Variants in GRM7 observed in about 807,000 individuals in gnomAD.
GRM7 encodes the protein metabotropic glutamate receptor 7.
A neutral mutation model predicts 84.5 loss-of-function variants in GRM7; 35 were observed. That is an observed-to-expected ratio of 0.41 (90% CI 0.32 to 0.55). The LOEUF (loss-of-function observed/expected upper bound fraction) is 0.55, where lower values mean the gene tolerates loss of function less well. Among genes scored for constraint, GRM7 ranks in the 20% least tolerant of loss-of-function variants. The probability of loss-of-function intolerance (pLI) is 0.19; values close to 1 mark genes in which losing one functional copy is unlikely to be tolerated. For missense variants in GRM7, 1,003 were observed against 1,194.6 expected, an observed-to-expected ratio of 0.84 and a Z score of 2.36; for synonymous variants, 487 against 455.1, an observed-to-expected ratio of 1.07 and a Z score of -0.89.
chr3:7,570,146 T>A (rs1694573177), intron 7 of GRM7, among the ~76,000 whole-genome samples: 1 of 152,134 alleles, frequency 6.6e-6, no homozygotes, highest in Admixed American at 6.5e-5. Context: ...GGGTTTACAA[T>A]TCAAAATGAG....
intron 2 of GRM7, among the ~76,000 whole-genome samples, chr3:7,224,880 A>G (rs1454329483): frequency 6.6e-6 from 1 of 152,200 alleles, no homozygotes; most frequent in Non-Finnish European, 1.5e-5. Context: ...TACCATATGA[A>G]GCATTTCATG....
At chr3:7,162,984 T>C (rs181304755) in intron 2 of GRM7, among the ~76,000 whole-genome samples, 1 of 152,088 alleles carries the variant, frequency 6.6e-6, no homozygotes, top group East Asian at 1.9e-4. Context: ...GGTCTTGAAC[T>C]CCTGACCTCT....
At chr3:7,643,608 C>T (rs77782592) in intron 8 of GRM7, among the ~76,000 whole-genome samples, 233 of 152,290 alleles carry the variant, frequency 1.5e-3, no homozygotes, top group African/African-American at 5.5e-3. Flanking sequence ...TATCTTAAAT[C>T]CTTGCTTTTT....
chr3:7,578,915 A>C lies in GRM7; in HGVS notation c.2009A>C (p.Tyr670Ser). Residue 670 changes from tyrosine to serine, a missense_variant, in exon 8 of 10, where the codon TAT becomes TCT. Coordinates refer to ENST00000357716, the MANE Select transcript of GRM7 (RefSeq NM_000844.4). The stretch of plus-strand genomic sequence containing the variant: ...TTGGGCTTGGGTATGTGCATCAGTT[A>C]TGCAGCCCTCTTGACGAAAACAAAT... ...VFLGLGMCIS[Y>S]AALLTKTNRI... 6.2e-7 allele frequency: 1 copy of C among 1,614,174 alleles called. No homozygotes were observed. Among genetic ancestry groups the C allele is most frequent in the Non-Finnish European group, 8.5e-7 (1 of 1,180,038 alleles).
At chr3:7,509,284 C>G (rs1700126238) in intron 7 of GRM7, among the ~76,000 whole-genome samples, 1 of 152,040 alleles carries the variant, frequency 6.6e-6, no homozygotes, top group African/African-American at 2.4e-5. Context: ...CATAATTGTT[C>G]TATTTTATGA....
intron 7 of GRM7, among the ~76,000 whole-genome samples, chr3:7,560,723 G>A (rs898988988): frequency 6.6e-6 from 1 of 152,086 alleles, no homozygotes; most frequent in Non-Finnish European, 1.5e-5. Flanking sequence ...CCATGCTCAT[G>A]TTTTCACCTT....
intron 1 of GRM7, among the ~76,000 whole-genome samples, chr3:6,874,036 C>G (rs6783840): frequency 0.16 from 23,952 of 152,166 alleles, 2,102 homozygotes; most frequent in African/African-American, 0.25. Context: ...TAACTCCTTT[C>G]CAGCACATAC....
chr3:7,503,251 A>T lies in GRM7; in HGVS notation c.1515+41529A>T, dbSNP rs142192710. On this transcript the variant is annotated intron_variant, in intron 7 of 9. Transcript: ENST00000357716. ...AAATTCCTGATAAAAGAGAGACCAG[A>T]TAATGTTTCTCCTCTTTGTTTTCCT... Among the ~76,000 whole-genome samples, 323 of 152,272 alleles carry T rather than the reference A, an allele frequency of 2.1e-3. 2 individuals are homozygous for T. Among genetic ancestry groups the T allele is most frequent in the Non-Finnish European group, 3.4e-3 (232 of 68,012 alleles).
intron 4 of GRM7, among the ~76,000 whole-genome samples, chr3:7,398,992 C>T (rs1242658362): frequency 1.3e-5 from 2 of 151,982 alleles, no homozygotes; most frequent in African/African-American, 4.8e-5. Flanking sequence ...TCCCTTCACA[C>T]ACCATTCTTT....
At chr3:7,451,940 G>A (rs766320909) in intron 5 of GRM7, 31 of 152,446 alleles carry the variant, frequency 2.0e-4, no homozygotes, top group Admixed American at 4.6e-4. Context: ...AAAGGTGAAC[G>A]TGGAGGAATG....
chr3:7,349,506 T>C (rs1039079874), intron 4 of GRM7, among the ~76,000 whole-genome samples: 3 of 152,132 alleles, frequency 2.0e-5, no homozygotes, highest in African/African-American at 7.2e-5. Context: ...TACTCATAGA[T>C]GGAAGAGAAT....
chr3:7,620,678 T>C (rs1235762419), intron 8 of GRM7, among the ~76,000 whole-genome samples: 3 of 152,202 alleles, frequency 2.0e-5, no homozygotes, highest in Non-Finnish European at 4.4e-5. Flanking sequence ...CTGGTGGAGA[T>C]GTGGCATGTG....
At chr3:7,404,170 C>T (rs913832785) in intron 4 of GRM7, among the ~76,000 whole-genome samples, 23 of 152,238 alleles carry the variant, frequency 1.5e-4, no homozygotes, top group African/African-American at 5.3e-4. Flanking sequence ...CATATACTTC[C>T]TCTATGTCAG....
At chr3:7,028,306 C>G (rs755429810) in intron 1 of GRM7, among the ~76,000 whole-genome samples, 31 of 152,164 alleles carry the variant, frequency 2.0e-4, no homozygotes, top group Non-Finnish European at 4.0e-4. Context: ...AAATACCTCG[C>G]TTTGCACATT....
chr3:6,986,833 C>T (rs188953600), intron 1 of GRM7, among the ~76,000 whole-genome samples: 176 of 152,316 alleles, frequency 1.2e-3, no homozygotes, highest in African/African-American at 4.0e-3. Context: ...CTTCTCTCCT[C>T]TGAGCACGTG....
intron 2 of GRM7, among the ~76,000 whole-genome samples, chr3:7,256,485 A>G (rs964438508): frequency 6.6e-6 from 1 of 152,220 alleles, no homozygotes; most frequent in Non-Finnish European, 1.5e-5. Flanking sequence ...CTGGATGCTG[A>G]CTGGAGTATC....
intron 2 of GRM7, among the ~76,000 whole-genome samples, chr3:7,150,440 G>A (rs963787900): frequency 4.6e-5 from 7 of 152,088 alleles, no homozygotes; most frequent in Non-Finnish European, 8.8e-5. Context: ...CAGAGGCCAT[G>A]TAATTGTTTA....
chr3:7,446,092 T>C (rs1697494657), intron 5 of GRM7, among the ~76,000 whole-genome samples: 1 of 152,246 alleles, frequency 6.6e-6, no homozygotes, highest in Non-Finnish European at 1.5e-5. Context: ...GTTAATTGTA[T>C]GCTGTTACTA....
At chr3:6,990,070 A>G (rs1469025526) in intron 1 of GRM7, among the ~76,000 whole-genome samples, 4 of 152,156 alleles carry the variant, frequency 2.6e-5, no homozygotes, top group Non-Finnish European at 5.9e-5. Flanking sequence ...CCCTTCCTGA[A>G]GGGCTGTGCC....
Sources: allele counts gnomAD v4.1 joint callset (sites outside exome capture counted in the v4.1 genomes callset), GRCh38; gene constraint gnomAD v4.1.1; transcripts MANE v1.5; gene names NCBI Gene and HGNC (gene_info 2026-07-23, HGNC 2026-07-21).